Variants in NHSL1 observed in about 807,000 individuals in gnomAD.
NHSL1 encodes NHS like 1, also known as NHS-like protein 1.
NHSL1 carries 48 observed loss-of-function variants against 95.0 expected under a neutral mutation model. That is an observed-to-expected ratio of 0.51 (90% CI 0.40 to 0.64). The LOEUF is 0.64. NHSL1 is among the 30% of genes least tolerant of loss of function. The pLI, the probability that NHSL1 is intolerant of heterozygous loss-of-function variation, is 0.00. For synonymous variants in NHSL1, 783 were observed against 833.9 expected (o/e 0.94, Z 1.05); for missense variants, 1,971 against 2,077.7 (o/e 0.95, Z 1.00).
intron 1 of NHSL1, among the ~76,000 whole-genome samples, chr6:138,570,359 C>G (rs779686924): frequency 6.6e-6 from 1 of 152,222 alleles, no homozygotes; most frequent in East Asian, 1.9e-4. Context: ...AATCATTTAC[C>G]AAAACCACAG....
At chr6:138,580,271 T>C (rs72975263) in intron 1 of NHSL1, among the ~76,000 whole-genome samples, 13,114 of 152,154 alleles carry the variant, frequency 0.086, 604 homozygotes, top group Middle Eastern at 0.13. Context: ...GCACAAAAGA[T>C]AGGGCCCTCC....
chr6:138,556,515 A>G (rs1783201191), intron 1 of NHSL1, among the ~76,000 whole-genome samples: 1 of 150,832 alleles, frequency 6.6e-6, no homozygotes, highest in Admixed American at 6.7e-5. Flanking sequence ...GCATTTAAAC[A>G]TTTTTGTAGG....
rs1775007308 is a variant in NHSL1, at chr6:138,422,949, A to T, written c.*1132T>A. ...AATAGATTTTGATAAATCTTTCTGA[A>T]TTAGGACATGATACTGTAGGCAGTT... is the stretch of plus-strand genomic sequence containing the variant. On this transcript the variant is annotated 3_prime_UTR_variant, in exon 8 of 8. Coordinates refer to ENST00000343505, the MANE Select transcript of NHSL1 (RefSeq NM_001144060.2). 6.6e-6 allele frequency: 1 copy of T among 152,118 alleles called. No homozygotes were observed. The highest frequency in any genetic ancestry group is 2.4e-5 in the African/African-American group (1 of 41,452). 9.4% of individuals were successfully genotyped at this position (152,118 alleles called of 1,614,324 possible). A position where few individuals can be genotyped will look rare whatever the true frequency, so the allele number is the denominator to read the frequency against.
At chr6:138,530,631 A>G (rs1349446946) in intron 1 of NHSL1, among the ~76,000 whole-genome samples, 1 of 152,216 alleles carries the variant, frequency 6.6e-6, no homozygotes, top group African/African-American at 2.4e-5. Flanking sequence ...CTTTGCAGCA[A>G]CTTGGATGGA....
intron 1 of NHSL1, among the ~76,000 whole-genome samples, chr6:138,615,303 CTTG>C (rs1784564421): frequency 6.6e-6 from 1 of 152,206 alleles, no homozygotes; most frequent in African/African-American, 2.4e-5. Context: ...TTTCCAGCCC[CTTG>C]TTGTCAACAT....
chr6:138,658,474 G>C (rs912008859), intron 1 of NHSL1, among the ~76,000 whole-genome samples: 3 of 152,188 alleles, frequency 2.0e-5, no homozygotes, highest in African/African-American at 7.2e-5. Flanking sequence ...ATTTCACTTT[G>C]CATAACATCC....
At chr6:138,666,981 G>A (rs539711863) in intron 1 of NHSL1, among the ~76,000 whole-genome samples, 3 of 152,114 alleles carry the variant, frequency 2.0e-5, no homozygotes, top group Non-Finnish European at 2.9e-5. Context: ...CAACACCAAC[G>A]ATACTGAATT....
intron 1 of NHSL1, among the ~76,000 whole-genome samples, chr6:138,628,831 T>G (rs1249270408): frequency 1.3e-5 from 2 of 152,234 alleles, no homozygotes; most frequent in Non-Finnish European, 2.9e-5. Flanking sequence ...CCACGCTTGT[T>G]AGCAGAAATG....
At chr6:138,603,956 G>A (rs1007005246) in intron 1 of NHSL1, among the ~76,000 whole-genome samples, 18 of 152,122 alleles carry the variant, frequency 1.2e-4, no homozygotes, top group Admixed American at 1.2e-3. Flanking sequence ...AAAGAGATGT[G>A]TCAGGCACAT....
chr6:138,567,767 G>A (rs1783673805), intron 1 of NHSL1, among the ~76,000 whole-genome samples: 1 of 152,088 alleles, frequency 6.6e-6, no homozygotes, highest in Non-Finnish European at 1.5e-5. Context: ...TGAGAAGGGA[G>A]GACACTGACA....
At chr6:138,577,434 G>A (rs1783988469), upstream of NHSL1, among the ~76,000 whole-genome samples, 1 of 152,348 alleles carries the variant, frequency 6.6e-6, no homozygotes, top group South Asian at 2.1e-4. Flanking sequence ...GCACCCTGAA[G>A]TTAGAAATCA....
chr6:138,619,912 C>A (rs1212274900), intron 1 of NHSL1, among the ~76,000 whole-genome samples: 1 of 139,804 alleles, frequency 7.2e-6, no homozygotes. Context: ...CGTGCCACTG[C>A]ACTCCAGCTT....
At chr6:138,645,372 T>A (rs1785004131) in intron 1 of NHSL1, among the ~76,000 whole-genome samples, 2 of 152,196 alleles carry the variant, frequency 1.3e-5, no homozygotes, top group Non-Finnish European at 2.9e-5. Context: ...TAATGAGGCC[T>A]ACCCGGCCTA....
intron 2 of NHSL1, among the ~76,000 whole-genome samples, chr6:138,478,663 C>T (rs560268232): frequency 2.0e-5 from 3 of 152,276 alleles, no homozygotes; most frequent in African/African-American, 7.2e-5. Context: ...CCAGGTTATG[C>T]CTGCGACCAC....
chr6:138,635,399 T>C (rs1784874437), intron 1 of NHSL1, among the ~76,000 whole-genome samples: 1 of 152,184 alleles, frequency 6.6e-6, no homozygotes. Flanking sequence ...CATTAGTGGC[T>C]ACTATGGGCA....
chr6:138,504,253 G>C (rs950338112), upstream of NHSL1, among the ~76,000 whole-genome samples: 2 of 151,828 alleles, frequency 1.3e-5, no homozygotes, highest in African/African-American at 2.4e-5. Flanking sequence ...AAGAGAGAGA[G>C]AGAGAAAGAG....
chr6:138,543,376 C>A (rs1782658604), intron 1 of NHSL1, among the ~76,000 whole-genome samples: 1 of 152,050 alleles, frequency 6.6e-6, no homozygotes, highest in Non-Finnish European at 1.5e-5. Context: ...ACGATAGTGA[C>A]AATAATGAGA....
intron 1 of NHSL1, among the ~76,000 whole-genome samples, chr6:138,507,864 G>C (rs1187825798): frequency 6.6e-6 from 1 of 152,226 alleles, no homozygotes; most frequent in Non-Finnish European, 1.5e-5. Context: ...TATGGGGTTG[G>C]GGGAGTGGTT....
rs1451755723 is a variant in NHSL1 at position 138,499,265 on chromosome 6, A to G, written c.26T>C (p.Ile9Thr). 4 of 1,550,722 alleles carry G rather than the reference A, an allele frequency of 2.6e-6. No individual in the cohort carries two copies. Among genetic ancestry groups the G allele is most frequent in the Non-Finnish European group, 3.5e-6 (4 of 1,146,262 alleles). The change falls in exon 1 of 8, where the codon ATT becomes ACT. Residue 9 changes from isoleucine to threonine, a missense_variant. Coordinates refer to ENST00000343505, the MANE Select transcript of NHSL1 (RefSeq NM_001144060.2). The part of the protein sequence containing the change: MVVFINAK[I>T]KSLIKLFKKK... Reference sequence around the variant, plus strand: ...CTTAAAAAGTTTAATTAAAGACTTAATCTTTGCATTAATGAAGACCACCAT... The same window carrying G: ...CTTAAAAAGTTTAATTAAAGACTTAGTCTTTGCATTAATGAAGACCACCAT...
Sources: gnomAD v4.1 joint callset for allele counts (sites outside exome capture counted in the v4.1 genomes callset) on GRCh38, gnomAD v4.1.1 for gene constraint, MANE v1.5 for transcripts, NCBI Gene and HGNC (gene_info 2026-07-23, HGNC 2026-07-21) for gene names.